SLC2A9: variants seen among roughly 807,000 people sequenced by gnomAD.
SLC2A9 encodes the protein solute carrier family 2 member 9, also known as solute carrier family 2, facilitated glucose transporter member 9.
In SLC2A9, 39 loss-of-function variants were observed where a neutral mutation model predicts 50.6. That is an observed-to-expected ratio of 0.77 (90% CI 0.60 to 1.01). SLC2A9 has a LOEUF of 1.01. SLC2A9 is among the 50% of genes least tolerant of loss of function. The probability of loss-of-function intolerance (pLI) is 0.00; values close to 1 mark genes in which losing one functional copy is unlikely to be tolerated. For synonymous variants in SLC2A9, 324 were observed against 276.9 expected (o/e 1.17, Z -1.69); for missense variants, 686 against 677.6 (o/e 1.01, Z -0.14).
downstream of SLC2A9, among the ~76,000 whole-genome samples, chr4:9,777,745 G>C (rs1717756937): frequency 6.6e-6 from 1 of 152,194 alleles, no homozygotes; most frequent in Admixed American, 6.5e-5. Flanking sequence ...TGAGATTCTA[G>C]AGGGCCAGGC....
intron 5 of SLC2A9, among the ~76,000 whole-genome samples, chr4:9,948,917 T>C (rs1220597365): frequency 2.0e-5 from 3 of 152,214 alleles, no homozygotes; most frequent in Non-Finnish European, 4.4e-5. Flanking sequence ...CATCCACACA[T>C]CTGACAAAAA....
chr4:9,776,467 C>T (rs958073083), downstream of SLC2A9, among the ~76,000 whole-genome samples: 1 of 151,930 alleles, frequency 6.6e-6, no homozygotes, highest in Non-Finnish European at 1.5e-5. Flanking sequence ...CTTGGACATC[C>T]CAGCTTTTGG....
chr4:9,938,633 C>T (rs1463327596), intron 6 of SLC2A9, among the ~76,000 whole-genome samples: 1 of 152,160 alleles, frequency 6.6e-6, no homozygotes, highest in African/African-American at 2.4e-5. Context: ...GAGTCACACA[C>T]ACGCTCAAGG....
rs34567300 is a variant in SLC2A9 at position 9,896,524 on chromosome 4, T to C, written c.1114-5813A>G. Among the ~76,000 whole-genome samples, 249 of 152,342 alleles carry C rather than the reference T, an allele frequency of 1.6e-3. 1 individual carries two copies. Among genetic ancestry groups the C allele is most frequent in the Middle Eastern group, 3.4e-3 (1 of 294 alleles). ...CACGTCCCCTCTCAAATGTGTTTTATAGGTATGTTCTCCATGTCTGTGACT... is the reference window on the plus strand; with the variant it reads ...CACGTCCCCTCTCAAATGTGTTTTACAGGTATGTTCTCCATGTCTGTGACT... On this transcript the variant is annotated intron_variant, in intron 8 of 11. Transcript: ENST00000264784.
At chr4:9,913,393 G>A (rs1477240739) in intron 7 of SLC2A9, among the ~76,000 whole-genome samples, 4 of 152,032 alleles carry the variant, frequency 2.6e-5, no homozygotes, top group Admixed American at 6.6e-5. Flanking sequence ...GAGATAAAGA[G>A]AGAAACAGAG....
At chr4:9,903,859 AT>A (rs1328341245) in intron 8 of SLC2A9, among the ~76,000 whole-genome samples, 1 of 147,260 alleles carries the variant, frequency 6.8e-6, no homozygotes, top group Admixed American at 6.8e-5. Context: ...TATAAAATAT[AT>A]TTTATATATT....
At chr4:9,908,122 T>G in intron 8 of SLC2A9, 113 bp downstream of exon 8, 1 of 798,982 alleles carries the variant, frequency 1.3e-6, no homozygotes, top group South Asian at 1.4e-5. Context: ...CACATTGTCC[T>G]AATTGATGAA....
chr4:10,013,495 T>C (rs1762111029), intron 2 of SLC2A9, among the ~76,000 whole-genome samples: 1 of 152,224 alleles, frequency 6.6e-6, no homozygotes, highest in Non-Finnish European at 1.5e-5. Context: ...TTGGATGTAT[T>C]GGGTTCCCTC....
chr4:9,816,886 C>G (rs1226751988), intron 3 of SLC2A9, among the ~76,000 whole-genome samples: 1 of 151,884 alleles, frequency 6.6e-6, no homozygotes, highest in Non-Finnish European at 1.5e-5. Flanking sequence ...AATTTATTAT[C>G]TTACAGTTCT....
intron 1 of SLC2A9, among the ~76,000 whole-genome samples, chr4:10,032,415 G>A (rs1226931396): frequency 1.3e-5 from 2 of 152,086 alleles, no homozygotes; most frequent in African/African-American, 4.8e-5. Context: ...ACGTGGTTAG[G>A]GATGTGGGAC....
At chr4:9,806,628 G>C (rs541404412) in intron 3 of SLC2A9, among the ~76,000 whole-genome samples, 6 of 152,288 alleles carry the variant, frequency 3.9e-5, no homozygotes, top group African/African-American at 1.4e-4. Flanking sequence ...CACTCAAGAG[G>C]GCACTGGAGA....
intron 10 of SLC2A9, chr4:9,880,101 T>C: frequency 1.0e-6 from 1 of 985,426 alleles, no homozygotes; most frequent in South Asian, 4.7e-5. Flanking sequence ...CTGCCACACT[T>C]TCCCGGGTGG....
chr4:9,890,812 C>G, intron 8 of SLC2A9, 101 bp from the exon 9 acceptor site: 1 of 1,036,878 alleles, frequency 9.6e-7, no homozygotes, highest in Non-Finnish European at 1.5e-6. Context: ...TGATTAAAAA[C>G]CGGCTTTGAC....
intron 5 of SLC2A9, among the ~76,000 whole-genome samples, chr4:9,956,084 G>A (rs62294328): frequency 0.48 from 73,171 of 151,280 alleles, 19,012 homozygotes; most frequent in African/African-American, 0.67. Context: ...TCACCATGTT[G>A]GCCAAGCTTG....
chr4:10,032,825 A>C (rs1016161182), intron 1 of SLC2A9, among the ~76,000 whole-genome samples: 1 of 152,156 alleles, frequency 6.6e-6, no homozygotes, highest in Non-Finnish European at 1.5e-5. Flanking sequence ...GAAGGTAGTG[A>C]AATTTGGCTT....
At chr4:9,818,299 A>T (rs1302455702) in intron 3 of SLC2A9, among the ~76,000 whole-genome samples, 1 of 152,250 alleles carries the variant, frequency 6.6e-6, no homozygotes, top group African/African-American at 2.4e-5. Context: ...CCAAGCAAGG[A>T]GGACTAATCT....
intron 2 of SLC2A9, among the ~76,000 whole-genome samples, chr4:10,007,887 G>T (rs1432171494): frequency 1.3e-5 from 2 of 152,208 alleles, no homozygotes; most frequent in Non-Finnish European, 2.9e-5. Context: ...GCTTGTAGAT[G>T]AGGCCGCCAG....
chr4:9,837,523 G>A (rs978659065), intron 10 of SLC2A9, among the ~76,000 whole-genome samples: 1 of 152,168 alleles, frequency 6.6e-6, no homozygotes, highest in Non-Finnish European at 1.5e-5. Flanking sequence ...GTACTTCTGA[G>A]GCTGGTACAA....
At chr4:9,831,561 T>G (rs921984568) in intron 11 of SLC2A9, among the ~76,000 whole-genome samples, 1 of 152,158 alleles carries the variant, frequency 6.6e-6, no homozygotes, top group African/African-American at 2.4e-5. Flanking sequence ...CTGTAAAAGG[T>G]ATAACTGCCC....
Sources: gnomAD v4.1 joint callset for allele counts (sites outside exome capture counted in the v4.1 genomes callset) on GRCh38, gnomAD v4.1.1 for gene constraint, MANE v1.5 for transcripts, NCBI Gene and HGNC (gene_info 2026-07-23, HGNC 2026-07-21) for gene names.